SCG5: variants seen among roughly 807,000 people sequenced by gnomAD.
SCG5 encodes the protein neuroendocrine protein 7B2.
In SCG5, 18 loss-of-function variants were observed where a neutral mutation model predicts 25.7. The ratio of observed to expected loss-of-function variants is 0.70; its 90% CI spans 0.48 to 1.04. The LOEUF is 1.04. Among genes scored for constraint, SCG5 ranks in the 50% least tolerant of loss-of-function variants. The pLI is 0.00. For synonymous variants in SCG5, 101 were observed against 91.7 expected, an observed-to-expected ratio of 1.10 and a Z score of -0.58; for missense variants, 206 against 259.8, an observed-to-expected ratio of 0.79 and a Z score of 1.42.
At position 32,681,749 on chromosome 15, in the gene SCG5, CT is replaced by C. The variant is rs567528707; in HGVS notation, c.376+1842del. 1.1e-4 allele frequency among the ~76,000 whole-genome samples: 16 copies of C among 152,062 alleles called. 1 individual carries two copies. In the East Asian group the frequency reaches 1.2e-3, roughly 11 times the overall value. On this transcript the variant is annotated intron_variant, in intron 3 of 5. Transcript: ENST00000300175. The stretch of plus-strand genomic sequence containing the variant: ...ATGGGTGTGAGCTACCACACCGAGA[CT>C]TTTTTTTCTTATGATACCCATAACT...
At chr15:32,651,644 C>G (rs985974058) in intron 2 of SCG5, among the ~76,000 whole-genome samples, 6 of 152,214 alleles carry the variant, frequency 3.9e-5, no homozygotes, top group Admixed American at 1.3e-4. Flanking sequence ...CTGGGACCGC[C>G]CAATGGGCCC....
intron 5 of SCG5, 98 bp downstream of exon 5, chr15:32,691,861 A>T: frequency 6.4e-7 from 1 of 1,551,920 alleles, no homozygotes; most frequent in Non-Finnish European, 8.7e-7. Flanking sequence ...AAGTCACAGA[A>T]TCCTCCCTTG....
chr15:32,684,669 G>A lies in SCG5; in HGVS notation c.489G>A (p.Trp163Ter). 6.2e-7 allele frequency: 1 copy of A among 1,602,982 alleles called. No homozygotes were observed. The highest frequency in any genetic ancestry group is 8.5e-7 in the Non-Finnish European group (1 of 1,170,664). Reference sequence around the variant, plus strand: ...ATGACTATCCAGGCTTGGGCAAGTGGGTAAGTCCTATCTCAATTGTTAGTA... The same window carrying A: ...ATGACTATCCAGGCTTGGGCAAGTGAGTAAGTCCTATCTCAATTGTTAGTA... ...PEHDYPGLGK[W>*]NKKLLYEKMK... The change falls in exon 4 of 6, where the codon TGG becomes TGA. Residue 163 changes from tryptophan to a stop codon, truncating the protein, a stop_gained and splice_region_variant. Transcript: ENST00000300175. LOFTEE classifies it high-confidence loss of function.
intron 2 of SCG5, among the ~76,000 whole-genome samples, chr15:32,655,918 C>T (rs1737996728): frequency 6.6e-6 from 1 of 152,140 alleles, no homozygotes; most frequent in African/African-American, 2.4e-5. Context: ...CTGAATGGAC[C>T]AAGACAGTGT....
chr15:32,687,707 A>T (rs761764820), intron 4 of SCG5, among the ~76,000 whole-genome samples: 7 of 152,202 alleles, frequency 4.6e-5, no homozygotes, highest in Non-Finnish European at 8.8e-5. Context: ...TTTTGACAGT[A>T]GCTGGAGCTG....
chr15:32,687,200 C>T (rs1486125642), intron 4 of SCG5, among the ~76,000 whole-genome samples: 1 of 152,176 alleles, frequency 6.6e-6, no homozygotes, highest in Non-Finnish European at 1.5e-5. Flanking sequence ...TCACAGATTT[C>T]TCTCATCAAA....
chr15:32,660,707 C>T (rs184782295), intron 2 of SCG5, among the ~76,000 whole-genome samples: 45 of 152,350 alleles, frequency 3.0e-4, no homozygotes, highest in Admixed American at 2.3e-3. Context: ...AGAGTCAGCC[C>T]TTCTGACTGC....
chr15:32,690,631 T>C (rs1486667287), intron 4 of SCG5, among the ~76,000 whole-genome samples: 1 of 152,190 alleles, frequency 6.6e-6, no homozygotes, highest in Non-Finnish European at 1.5e-5. Context: ...AGATATGCAT[T>C]GTAAATTGCA....
At chr15:32,692,650 C>T (rs1403167864) in intron 5 of SCG5, among the ~76,000 whole-genome samples, 4 of 152,202 alleles carry the variant, frequency 2.6e-5, no homozygotes, top group African/African-American at 9.6e-5. Context: ...TTAGTTAAAA[C>T]ATACAAACCT....
At chr15:32,682,746 A>G (rs914776390) in intron 3 of SCG5, among the ~76,000 whole-genome samples, 10 of 152,244 alleles carry the variant, frequency 6.6e-5, no homozygotes, top group Admixed American at 1.3e-4. Context: ...AATTGCTTGA[A>G]TTATGACACA....
At chr15:32,654,752 G>A (rs1387014791) in intron 2 of SCG5, among the ~76,000 whole-genome samples, 1 of 152,074 alleles carries the variant, frequency 6.6e-6, no homozygotes, top group African/African-American at 2.4e-5. Flanking sequence ...CTCGCTTTTT[G>A]TGTCTGTAGT....
At chr15:32,658,423 A>C (rs2054161187) in intron 2 of SCG5, among the ~76,000 whole-genome samples, 1 of 152,164 alleles carries the variant, frequency 6.6e-6, no homozygotes. Context: ...TAGGATGTAG[A>C]TGATAAAGAT....
chr15:32,675,416 C>G (rs1426483704), intron 2 of SCG5, among the ~76,000 whole-genome samples: 1 of 152,210 alleles, frequency 6.6e-6, no homozygotes, highest in Non-Finnish European at 1.5e-5. Flanking sequence ...CAGCAACACT[C>G]TTAGAGAAGA....
At chr15:32,642,901 C>G (rs955910636) in intron 1 of SCG5, among the ~76,000 whole-genome samples, 1 of 152,150 alleles carries the variant, frequency 6.6e-6, no homozygotes, top group Non-Finnish European at 1.5e-5. Flanking sequence ...CACAACAACC[C>G]TAAAAGGTAA....
chr15:32,674,301 G>A (rs763096916), intron 2 of SCG5, among the ~76,000 whole-genome samples: 21 of 151,998 alleles, frequency 1.4e-4, no homozygotes, highest in Non-Finnish European at 2.8e-4. Flanking sequence ...TACTATAATC[G>A]GAAACCTCTG....
At chr15:32,682,887 A>G (rs2054645147) in intron 3 of SCG5, among the ~76,000 whole-genome samples, 2 of 152,156 alleles carry the variant, frequency 1.3e-5, no homozygotes, top group African/African-American at 4.8e-5. Flanking sequence ...AGCCTCAGAG[A>G]TAGGATGTGA....
chr15:32,674,754 A>G (rs145558324), intron 2 of SCG5, among the ~76,000 whole-genome samples: 50 of 152,326 alleles, frequency 3.3e-4, no homozygotes, highest in African/African-American at 1.0e-3. Flanking sequence ...AACCAGGTCA[A>G]CTTCCCAGCT....
At chr15:32,679,092 T>C (rs79807871) in intron 2 of SCG5, among the ~76,000 whole-genome samples, 2,330 of 152,270 alleles carry the variant, frequency 0.015, 62 homozygotes, top group African/African-American at 0.053. Context: ...ACGCCCAGCT[T>C]CCAGAGCCCT....
chr15:32,691,128 A>G (rs1451436946), intron 4 of SCG5, among the ~76,000 whole-genome samples: 1 of 152,120 alleles, frequency 6.6e-6, no homozygotes, highest in East Asian at 1.9e-4. Flanking sequence ...CCCCGACCCA[A>G]CATAACTTTC....
Sources: gnomAD v4.1 joint callset for allele counts (sites outside exome capture counted in the v4.1 genomes callset) on GRCh38, gnomAD v4.1.1 for gene constraint, MANE v1.5 for transcripts, NCBI Gene and HGNC (gene_info 2026-07-23, HGNC 2026-07-21) for gene names.